The following PDE4B variants were observed in gnomAD, a reference collection of about 807,000 sequenced individuals.
PDE4B encodes the protein 3',5'-cyclic-AMP phosphodiesterase 4B.
A neutral mutation model predicts 82.2 loss-of-function variants in PDE4B; 20 were observed. That is an observed-to-expected ratio of 0.24 (90% CI 0.17 to 0.35). The LOEUF (loss-of-function observed/expected upper bound fraction) is 0.35. Ranked by LOEUF, PDE4B falls within the 10% of genes least tolerant of loss-of-function variation. The probability of loss-of-function intolerance (pLI) is 1.00; values close to 1 mark genes in which losing one functional copy is unlikely to be tolerated. For synonymous variants in PDE4B, 320 were observed against 318.9 expected, an observed-to-expected ratio of 1.00 and a Z score of -0.04; for missense variants, 655 against 907.2, an observed-to-expected ratio of 0.72 and a Z score of 3.57.
At chr1:65,844,303 C>A (rs1646243617) in intron 1 of PDE4B, among the ~76,000 whole-genome samples, 1 of 152,142 alleles carries the variant, frequency 6.6e-6, no homozygotes, top group Non-Finnish European at 1.5e-5. Flanking sequence ...TTTCAGGTAT[C>A]CTACAATTTA....
chr1:66,017,128 T>G (rs2100755856), intron 3 of PDE4B, among the ~76,000 whole-genome samples: 1 of 152,326 alleles, frequency 6.6e-6, no homozygotes, highest in East Asian at 1.9e-4. Context: ...TTTTTTGGAT[T>G]TACATACTTG....
intron 3 of PDE4B, among the ~76,000 whole-genome samples, chr1:66,224,821 T>G (rs1297939211): frequency 6.6e-6 from 1 of 152,234 alleles, no homozygotes; most frequent in Non-Finnish European, 1.5e-5. Flanking sequence ...GCAATTTTAT[T>G]GCAAATTCTG....
At chr1:65,929,845 T>C (rs1647731805) in intron 3 of PDE4B, among the ~76,000 whole-genome samples, 2 of 152,230 alleles carry the variant, frequency 1.3e-5, no homozygotes, top group Non-Finnish European at 2.9e-5. Context: ...ATCAGTGTTC[T>C]CCATACTATT....
chr1:66,168,206 G>C (rs555698336), intron 3 of PDE4B, among the ~76,000 whole-genome samples: 1 of 152,126 alleles, frequency 6.6e-6, no homozygotes, highest in South Asian at 2.1e-4. Flanking sequence ...TTCCTACTTT[G>C]TGTTAGGCAC....
At chr1:66,106,767 G>C (rs1645368618) in intron 3 of PDE4B, among the ~76,000 whole-genome samples, 1 of 148,816 alleles carries the variant, frequency 6.7e-6, no homozygotes. Context: ...TTGTATTTCT[G>C]TGGGATCGGT....
intron 3 of PDE4B, among the ~76,000 whole-genome samples, chr1:66,057,591 C>T (rs181533239): frequency 3.9e-5 from 6 of 152,298 alleles, no homozygotes; most frequent in Admixed American, 3.9e-4. Context: ...GGAGGCTTCA[C>T]AATCACTGGG....
intron 9 of PDE4B, among the ~76,000 whole-genome samples, chr1:66,361,010 A>G (rs1330534053): frequency 6.6e-6 from 1 of 152,172 alleles, no homozygotes; most frequent in Non-Finnish European, 1.5e-5. Flanking sequence ...TAAACCTCAA[A>G]TGGTAATAAA....
At chr1:65,859,592 AC>A (rs1382296561) in intron 1 of PDE4B, among the ~76,000 whole-genome samples, 12 of 152,296 alleles carry the variant, frequency 7.9e-5, no homozygotes, top group South Asian at 4.1e-4. Flanking sequence ...TATAAAATGA[AC>A]GATTGGTCGT....
chr1:65,816,365 A>G (rs746937154), intron 1 of PDE4B, among the ~76,000 whole-genome samples: 1 of 152,138 alleles, frequency 6.6e-6, no homozygotes, highest in Non-Finnish European at 1.5e-5. Context: ...AACTTAAAGC[A>G]AGGTTGCTGC....
At chr1:66,176,673 C>A (rs548480718) in intron 3 of PDE4B, among the ~76,000 whole-genome samples, 7 of 152,278 alleles carry the variant, frequency 4.6e-5, no homozygotes, top group African/African-American at 1.7e-4. Context: ...GCTGAATCAG[C>A]TTTCAGTAAA....
chr1:66,211,691 A>G (rs563393507), intron 3 of PDE4B, among the ~76,000 whole-genome samples: 2 of 152,350 alleles, frequency 1.3e-5, no homozygotes, highest in African/African-American at 4.8e-5. Context: ...GAGCGAAGTA[A>G]CTTGTCTAAT....
At chr1:66,189,106 T>A (rs532110115) in intron 3 of PDE4B, among the ~76,000 whole-genome samples, 1 of 152,124 alleles carries the variant, frequency 6.6e-6, no homozygotes, top group African/African-American at 2.4e-5. Context: ...TTAGTTTGGC[T>A]GGATATGAAA....
chr1:66,121,008 G>A (rs949348484), intron 3 of PDE4B, among the ~76,000 whole-genome samples: 1 of 152,030 alleles, frequency 6.6e-6, no homozygotes, highest in Non-Finnish European at 1.5e-5. Context: ...GTACATTGTG[G>A]ACACTAAACA....
At chr1:65,868,583 A>C (rs1646537892) in intron 1 of PDE4B, among the ~76,000 whole-genome samples, 1 of 152,212 alleles carries the variant, frequency 6.6e-6, no homozygotes, top group Admixed American at 6.5e-5. Flanking sequence ...CAACTATGTG[A>C]GAGGGACTCT....
intron 6 of PDE4B, among the ~76,000 whole-genome samples, chr1:66,262,872 G>A (rs1284995815): frequency 2.0e-5 from 3 of 152,164 alleles, no homozygotes; most frequent in African/African-American, 7.2e-5. Context: ...TGTATAGTAT[G>A]AGTAATTTCC....
intron 3 of PDE4B, among the ~76,000 whole-genome samples, chr1:66,028,007 C>T (rs1653545479): frequency 2.6e-5 from 4 of 152,232 alleles, no homozygotes; most frequent in Admixed American, 6.5e-5. Flanking sequence ...CTTCTCACAG[C>T]TCCACTAGAC....
At chr1:65,989,149 A>G (rs1651109682) in intron 3 of PDE4B, among the ~76,000 whole-genome samples, 1 of 152,172 alleles carries the variant, frequency 6.6e-6, no homozygotes. Flanking sequence ...TTTTATTATG[A>G]TAAATTATTG....
chr1:65,837,263 A>G (rs1646150587), intron 1 of PDE4B, among the ~76,000 whole-genome samples: 2 of 152,188 alleles, frequency 1.3e-5, no homozygotes, highest in South Asian at 4.1e-4. Context: ...AGCTTCTGAA[A>G]CAGTATTTCT....
rs149560044 is a variant in PDE4B at position 65,964,133 on chromosome 1, T to C, written c.281+45298T>C. 3.1e-3 allele frequency among the ~76,000 whole-genome samples: 468 copies of C among 152,230 alleles called. 7 individuals carry two copies. Among genetic ancestry groups the C allele is most frequent in the African/African-American group, 0.011 (443 of 41,528 alleles). On this transcript the variant is annotated intron_variant, in intron 3 of 16. Coordinates refer to ENST00000341517, the MANE Select transcript of PDE4B (RefSeq NM_002600.4). ...CACTGAGAAAAAAATTTATTCCAGG[T>C]CAGGCACATGGGTGAGCTGACACAC...
Sources: gnomAD v4.1 joint callset for allele counts (sites outside exome capture counted in the v4.1 genomes callset) on GRCh38, gnomAD v4.1.1 for gene constraint, MANE v1.5 for transcripts, NCBI Gene and HGNC (gene_info 2026-07-23, HGNC 2026-07-21) for gene names.